PDE4B: variants seen among roughly 807,000 people sequenced by gnomAD.
PDE4B encodes 3',5'-cyclic-AMP phosphodiesterase 4B.
A neutral mutation model predicts 82.2 loss-of-function variants in PDE4B; 20 were observed. The ratio of observed to expected loss-of-function variants is 0.24; its 90% confidence interval spans 0.17 to 0.35. The LOEUF is 0.35. Ranked by LOEUF, PDE4B falls within the 10% of genes least tolerant of loss-of-function variation. PDE4B has a pLI of 1.00. For missense variants in PDE4B, 655 were observed against 907.2 expected (o/e 0.72, Z 3.57); for synonymous variants, 320 against 318.9 (o/e 1.00, Z -0.04).
chr1:66,185,748 T>A (rs1387865442), intron 3 of PDE4B, among the ~76,000 whole-genome samples: 2 of 152,156 alleles, frequency 1.3e-5, no homozygotes, highest in Non-Finnish European at 2.9e-5. Flanking sequence ...CTTTGTCAGA[T>A]GAGTAGATTG....
intron 3 of PDE4B, among the ~76,000 whole-genome samples, chr1:66,038,958 A>T (rs950579629): frequency 3.9e-5 from 6 of 152,006 alleles, no homozygotes; most frequent in African/African-American, 1.4e-4. Flanking sequence ...CAGAAGTCCT[A>T]TTCAGTAAAA....
At chr1:66,231,124 A>G (rs900512519) in intron 3 of PDE4B, among the ~76,000 whole-genome samples, 2 of 152,174 alleles carry the variant, frequency 1.3e-5, no homozygotes, top group Non-Finnish European at 2.9e-5. Context: ...TAGAATGGTC[A>G]TGATTCAGAA....
chr1:65,981,262 T>A (rs1248579804), intron 3 of PDE4B, among the ~76,000 whole-genome samples: 1 of 152,182 alleles, frequency 6.6e-6, no homozygotes, highest in East Asian at 1.9e-4. Flanking sequence ...AATTTTGAGT[T>A]GCAAATGAGT....
At chr1:66,283,443 C>A (rs980958793) in intron 7 of PDE4B, among the ~76,000 whole-genome samples, 2 of 151,942 alleles carry the variant, frequency 1.3e-5, no homozygotes, top group Admixed American at 1.3e-4. Context: ...GCAACTGGGT[C>A]TTGTTTGCTG....
chr1:66,008,440 C>T (rs1460028421), intron 3 of PDE4B, among the ~76,000 whole-genome samples: 1 of 152,114 alleles, frequency 6.6e-6, no homozygotes, highest in Non-Finnish European at 1.5e-5. Context: ...TTACTGTGCA[C>T]TGCATTATAT....
intron 9 of PDE4B, among the ~76,000 whole-genome samples, chr1:66,360,153 G>A (rs1442473667): frequency 1.3e-5 from 2 of 152,076 alleles, no homozygotes; most frequent in Non-Finnish European, 2.9e-5. Flanking sequence ...TCTGATGCTG[G>A]ACTAGGTTGG....
chr1:66,305,346 T>G (rs1440227114), intron 7 of PDE4B, among the ~76,000 whole-genome samples: 1 of 152,194 alleles, frequency 6.6e-6, no homozygotes, highest in East Asian at 1.9e-4. Flanking sequence ...GCAAGACTCA[T>G]AGAGATATGA....
intron 3 of PDE4B, among the ~76,000 whole-genome samples, chr1:66,118,527 C>T (rs1394989452): frequency 6.6e-6 from 1 of 151,084 alleles, no homozygotes; most frequent in Non-Finnish European, 1.5e-5. Flanking sequence ...ACAATGAGAA[C>T]ACTTGGACAC....
intron 3 of PDE4B, chr1:65,992,655 T>C: frequency 9.3e-7 from 1 of 1,080,792 alleles, no homozygotes; most frequent in African/African-American, 1.6e-5. Flanking sequence ...ACAAGGAGGC[T>C]ACTGACATTG....
intron 8 of PDE4B, among the ~76,000 whole-genome samples, chr1:66,339,250 AT>A (rs1298380474): frequency 2.0e-5 from 3 of 152,172 alleles, no homozygotes; most frequent in Non-Finnish European, 4.4e-5. Context: ...AGATTAAGCT[AT>A]TTATTCTTTG....
chr1:66,075,129 C>T (rs985650165), intron 3 of PDE4B, among the ~76,000 whole-genome samples: 1 of 152,014 alleles, frequency 6.6e-6, no homozygotes, highest in Non-Finnish European at 1.5e-5. Flanking sequence ...AGTAGCCCTG[C>T]TCTTCAAGGA....
At chr1:66,018,555 A>AAC (rs1652908378) in intron 3 of PDE4B, among the ~76,000 whole-genome samples, 5 of 152,120 alleles carry the variant, frequency 3.3e-5, no homozygotes, top group Non-Finnish European at 5.9e-5. Context: ...ATATCAAAGG[A>AAC]CAATTCCAAT....
chr1:65,955,629 G>T (rs1356999384), intron 3 of PDE4B, among the ~76,000 whole-genome samples: 1 of 152,080 alleles, frequency 6.6e-6, no homozygotes, highest in East Asian at 1.9e-4. Flanking sequence ...ACGTCATCTT[G>T]CTTCCTCAAG....
chr1:65,805,038 C>T (rs1005990774), intron 1 of PDE4B, among the ~76,000 whole-genome samples: 2 of 151,916 alleles, frequency 1.3e-5, no homozygotes, highest in African/African-American at 4.8e-5. Flanking sequence ...GATCTCGGCT[C>T]ACTGCAACCT....
At chr1:66,119,171 T>C (rs1645658022) in intron 3 of PDE4B, among the ~76,000 whole-genome samples, 1 of 152,238 alleles carries the variant, frequency 6.6e-6, no homozygotes. Context: ...CGATTTTGGT[T>C]GAATTTCAAA....
chr1:66,249,598 G>A (rs1034085121), intron 4 of PDE4B, among the ~76,000 whole-genome samples: 1 of 151,996 alleles, frequency 6.6e-6, no homozygotes, highest in East Asian at 1.9e-4. Context: ...AAATGACACC[G>A]CATCCAGCAT....
intron 3 of PDE4B, among the ~76,000 whole-genome samples, chr1:66,143,494 A>C (rs548850510): frequency 6.6e-6 from 1 of 152,344 alleles, no homozygotes; most frequent in African/African-American, 2.4e-5. Context: ...GGAACAGGAC[A>C]GTGAAGTCAG....
chr1:66,109,622 T>A (rs569525463), intron 3 of PDE4B, among the ~76,000 whole-genome samples: 2 of 152,096 alleles, frequency 1.3e-5, no homozygotes, highest in South Asian at 4.1e-4. Context: ...TTGATTTTTC[T>A]AGCTCATAGC....
At chr1:66,328,551 A>T (rs1414827056) in intron 7 of PDE4B, among the ~76,000 whole-genome samples, 1 of 152,254 alleles carries the variant, frequency 6.6e-6, no homozygotes, top group Non-Finnish European at 1.5e-5. Flanking sequence ...CTTGTGTTTT[A>T]TAAATGATGT....
Sources: gnomAD v4.1 joint callset for allele counts (sites outside exome capture counted in the v4.1 genomes callset) on GRCh38, gnomAD v4.1.1 for gene constraint, MANE v1.5 for transcripts, NCBI Gene and HGNC (gene_info 2026-07-23, HGNC 2026-07-21) for gene names.